The following CD109 variants were observed in gnomAD, a reference collection of about 807,000 sequenced individuals.
CD109 encodes the protein CD109 molecule, also known as CD109 antigen.
In CD109, 149 loss-of-function variants were observed where a neutral mutation model predicts 165.8. That is an observed-to-expected ratio of 0.90 (90% CI 0.79 to 1.03). The LOEUF (loss-of-function observed/expected upper bound fraction) is 1.03. Among genes scored for constraint, CD109 ranks in the 50% least tolerant of loss-of-function variants. The pLI, the probability that CD109 is intolerant of heterozygous loss-of-function variation, is 0.00. For synonymous variants in CD109, 585 were observed against 592.1 expected, an observed-to-expected ratio of 0.99 and a Z score of 0.18; for missense variants, 1,712 against 1,677.8, an observed-to-expected ratio of 1.02 and a Z score of -0.36.
chr6:73,713,819 AT>A (rs1420271000), intron 2 of CD109, among the ~76,000 whole-genome samples: 4 of 152,222 alleles, frequency 2.6e-5, no homozygotes, highest in African/African-American at 9.6e-5. Flanking sequence ...TTGGCCTCCA[AT>A]TAGTCAATCT....
chr6:73,688,761 G>GTTTTT, the CD109 span, among the ~76,000 whole-genome samples: 30 of 73,528 alleles, frequency 4.1e-4, 4 homozygotes, highest in Non-Finnish European at 5.1e-4. Context: ...GTTTTTCTTT[G>GTTTTT]TTTTTTTTTT....
intron 31 of CD109, among the ~76,000 whole-genome samples, chr6:73,819,506 G>A (rs1582211966): frequency 6.6e-6 from 1 of 152,166 alleles, no homozygotes; most frequent in African/African-American, 2.4e-5. Context: ...CATATTACAT[G>A]GGTGGGTTTG....
At chr6:73,696,097 C>A, upstream of CD109, 1 of 966,444 alleles carries the variant, frequency 1.0e-6, no homozygotes, top group South Asian at 1.4e-5. Context: ...GCGCCCATTT[C>A]AGATTACTAA....
At chr6:73,679,443 G>A in the CD109 span, among the ~76,000 whole-genome samples, 8 of 151,388 alleles carry the variant, frequency 5.3e-5, no homozygotes, top group East Asian at 5.8e-4. Flanking sequence ...GGTTTCTGCC[G>A]TTTACAATTA....
chr6:73,782,768 A>G lies in CD109; in HGVS notation c.2105+13A>G. The G allele has an allele frequency of 6.2e-7, 1 of 1,612,780 alleles. No individual in the cohort carries two copies. Among genetic ancestry groups the G allele is most frequent in the Non-Finnish European group, 8.5e-7 (1 of 1,179,270 alleles). ...ACACCAACATGGGGTAAAAATTTAT[A>G]AAGTTCTTTGCCCATACATATTTTG... On this transcript the variant is annotated intron_variant, in intron 18 of 32. Transcript: ENST00000287097.
chr6:73,792,362 T>C (rs1775000578), intron 22 of CD109, among the ~76,000 whole-genome samples: 1 of 152,244 alleles, frequency 6.6e-6, no homozygotes, highest in South Asian at 2.1e-4. Flanking sequence ...AATTATTTTT[T>C]GCCTAATTTA....
In CD109 at chr6:73,697,420, C is replaced by T. The variant is rs778892532; in HGVS notation, c.95C>T (p.Ala32Val). ...VAPGPRFLVT[A>V]PGIIRPGGNV... is the part of the protein sequence containing the mutation. ...TTTAGGCCTCGGTTTCTGGTGACAG[C>T]CCCAGGGATCATCAGGCCCGGAGGA... is the stretch of plus-strand genomic sequence containing the variant. The change falls in exon 2 of 33, where the codon GCC (alanine) becomes GTC (valine). Residue 32 changes from alanine (A) to valine (V), a missense_variant. Ala to Val is a moderately conservative substitution (Grantham distance 64, BLOSUM62 0). Coordinates refer to ENST00000287097, the MANE Select transcript of CD109 (RefSeq NM_133493.5). 5.0e-6 allele frequency: 8 copies of T among 1,613,904 alleles called. No homozygotes were observed. The highest frequency in any genetic ancestry group is 6.8e-6 in the Non-Finnish European group (8 of 1,179,992).
intron 25 of CD109, 55 bp downstream of exon 25, chr6:73,807,127 C>G (rs781020933): frequency 1.2e-4 from 153 of 1,296,218 alleles, no homozygotes; most frequent in Non-Finnish European, 1.5e-4. Context: ...GAAGGTAGGT[C>G]TTAATGGGTC....
chr6:73,739,401 T>C (rs999057804), intron 5 of CD109, among the ~76,000 whole-genome samples: 12 of 152,144 alleles, frequency 7.9e-5, no homozygotes, highest in Non-Finnish European at 1.3e-4. Context: ...TGTATATTTC[T>C]TGTTATTAAA....
intron 23 of CD109, among the ~76,000 whole-genome samples, chr6:73,794,608 G>C (rs982635371): frequency 2.6e-5 from 4 of 152,134 alleles, no homozygotes; most frequent in Non-Finnish European, 5.9e-5. Flanking sequence ...GGGAGTCAAG[G>C]GGTTGCGGGT....
intron 3 of CD109, among the ~76,000 whole-genome samples, chr6:73,724,549 GAC>G (rs1772066124): frequency 6.6e-6 from 1 of 151,872 alleles, no homozygotes; most frequent in Non-Finnish European, 1.5e-5. Context: ...CTTAGGCCCT[GAC>G]ACACTGTATA....
At chr6:73,780,978 GTGTT>G (rs1774468605) in intron 16 of CD109, among the ~76,000 whole-genome samples, 1 of 150,498 alleles carries the variant, frequency 6.6e-6, no homozygotes, top group Admixed American at 6.7e-5. Flanking sequence ...GTGCGTGTGT[GTGTT>G]TGAGAGAGAT....
At chr6:73,728,174 A>G (rs1772209837) in intron 3 of CD109, among the ~76,000 whole-genome samples, 2 of 152,182 alleles carry the variant, frequency 1.3e-5, no homozygotes, top group African/African-American at 4.8e-5. Context: ...TACAAAAATT[A>G]GCTAGGCATG....
chr6:73,688,237 T>G, the CD109 span, among the ~76,000 whole-genome samples: 1 of 152,196 alleles, frequency 6.6e-6, no homozygotes, highest in Non-Finnish European at 1.5e-5. Context: ...AATTGGCTGT[T>G]GTGCAATAAA....
chr6:73,726,861 T>A (rs1772157818), intron 3 of CD109, among the ~76,000 whole-genome samples: 1 of 152,216 alleles, frequency 6.6e-6, no homozygotes, highest in African/African-American at 2.4e-5. Context: ...TCAGACAGCC[T>A]CTCACTGTGG....
At position 73,788,449 on chromosome 6, in the gene CD109, T is replaced by G; in HGVS notation, c.2557-19T>G. The G allele has an allele frequency of 6.2e-7, 1 of 1,605,750 alleles. No homozygotes were observed. Among genetic ancestry groups the G allele is most frequent in the Non-Finnish European group, 8.5e-7 (1 of 1,177,150 alleles). On this transcript the variant is annotated intron_variant, in intron 21 of 32. Coordinates refer to ENST00000287097, the MANE Select transcript of CD109 (RefSeq NM_133493.5). ...ATGTGAGTAGAGACCATGTTAATTGTGTTCATTTTTTTCAACAGGCTGAAG... is the reference window on the plus strand; with the variant it reads ...ATGTGAGTAGAGACCATGTTAATTGGGTTCATTTTTTTCAACAGGCTGAAG...
At chr6:73,752,046 T>C (rs1283627491) in intron 5 of CD109, among the ~76,000 whole-genome samples, 2 of 152,204 alleles carry the variant, frequency 1.3e-5, no homozygotes, top group Non-Finnish European at 2.9e-5. Flanking sequence ...TCAGTGCCTT[T>C]CTTAAAGTAA....
At chr6:73,731,401 A>G (rs924849526) in intron 4 of CD109, among the ~76,000 whole-genome samples, 2 of 152,244 alleles carry the variant, frequency 1.3e-5, no homozygotes, top group African/African-American at 4.8e-5. Flanking sequence ...GTAAAAGAAA[A>G]TAAGCCCATA....
Position 73,823,711 on chromosome 6 carries a change from C to G in CD109, c.*78C>G. The G allele has an allele frequency of 7.5e-7, 1 of 1,335,464 alleles. No individual in the cohort carries two copies. The highest frequency in any genetic ancestry group is 1.4e-5 in the South Asian group (1 of 71,152). 82.7% of individuals were successfully genotyped at this position (1,335,464 alleles called of 1,614,324 possible). ...ATTGTTTTGTTTTCGTAGAAGAATACTGCTTCTATTTTGAAAAAAGAGTTT... is the reference window on the plus strand; with the variant it reads ...ATTGTTTTGTTTTCGTAGAAGAATAGTGCTTCTATTTTGAAAAAAGAGTTT... On this transcript the variant is annotated 3_prime_UTR_variant, in exon 33 of 33. Transcript: ENST00000287097.
Sources: gnomAD v4.1 joint callset for allele counts (sites outside exome capture counted in the v4.1 genomes callset) on GRCh38, gnomAD v4.1.1 for gene constraint, MANE v1.5 for transcripts, NCBI Gene and HGNC (gene_info 2026-07-23, HGNC 2026-07-21) for gene names.